The following DMD variants were observed in gnomAD, a reference collection of about 807,000 sequenced individuals.
DMD encodes the protein dystrophin, also known as mutant dystrophin.
In DMD, 63 loss-of-function variants were observed where a neutral mutation model predicts 330.1. The observed-to-expected ratio is 0.19, with a 90% CI of 0.16 to 0.24. The LOEUF (loss-of-function observed/expected upper bound fraction) is 0.24, where lower values mean the gene tolerates loss of function less well. DMD is among the 10% of genes least tolerant of loss of function. DMD has a pLI of 1.00. For missense variants in DMD, 3,344 were observed against 2,684.1 expected, an observed-to-expected ratio of 1.25 and a Z score of -5.43; for synonymous variants, 1,223 against 959.8, an observed-to-expected ratio of 1.27 and a Z score of -5.07.
intron 62 of DMD, among the ~76,000 whole-genome samples, chrX:31,263,071 C>T (rs1359820977): frequency 1.8e-5 from 2 of 112,622 alleles, no homozygotes; most frequent in African/African-American, 3.2e-5. Context: ...AGGGCTCACA[C>T]AGGCCCTTAC....
At chrX:32,925,113 A>G (rs1188520695) in intron 2 of DMD, among the ~76,000 whole-genome samples, 1 of 103,537 alleles carries the variant, frequency 9.7e-6, no homozygotes, top group Non-Finnish European at 2.0e-5. Context: ...GTATTTTTCC[A>G]AATGACTAAG....
At position 32,600,598 on chromosome X, in the gene DMD, GCACACACA is replaced by G. The variant is rs201249837; in HGVS notation, c.1483-4730_1483-4723del. ...GTCACACACACACAAACACGCACAC[GCACACACA>G]CACACACACACACACACAAAACACA... On this transcript the variant is annotated intron_variant, in intron 12 of 78. Coordinates refer to ENST00000357033, the MANE Select transcript of DMD (RefSeq NM_004006.3). Among the ~76,000 whole-genome samples, 757 of 95,281 alleles carry G rather than the reference GCACACACA, an allele frequency of 7.9e-3. 6 individuals carry two copies. Among genetic ancestry groups the G allele is most frequent in the African/African-American group, 0.028 (731 of 26,224 alleles). 82.7% of individuals were successfully genotyped at this position (95,281 alleles called of 115,157 possible).
intron 7 of DMD, among the ~76,000 whole-genome samples, chrX:32,749,907 A>G (rs753598567): frequency 8.9e-6 from 1 of 112,761 alleles, no homozygotes; most frequent in Non-Finnish European, 1.9e-5. Context: ...TAGGAATTGC[A>G]GCTGTTATAT....
chrX:31,124,933 A>G (rs1481441796), intron 78 of DMD, among the ~76,000 whole-genome samples: 1 of 111,734 alleles, frequency 8.9e-6, no homozygotes, highest in Non-Finnish European at 1.9e-5. Context: ...TCTTCTCTAT[A>G]ATTTAATCTC....
chrX:32,974,151 A>T (rs1362453469), intron 2 of DMD, among the ~76,000 whole-genome samples: 1 of 112,006 alleles, frequency 8.9e-6, no homozygotes, highest in African/African-American at 3.2e-5. Flanking sequence ...ATATGAATGG[A>T]CCTTAAAAAC....
Position 31,454,215 on chromosome X carries a change from T to C in DMD, c.8938-9588A>G, listed in dbSNP as rs758594854. Among the ~76,000 whole-genome samples the C allele has an allele frequency of 7.2e-5, 8 of 111,519 alleles. No homozygotes were observed. In the East Asian group the frequency reaches 2.3e-3, roughly 31 times the overall value. On this transcript the variant is annotated intron_variant, in intron 59 of 78. Transcript: ENST00000357033. ...GTGCAATGGTGCGATCTGGGCTCAC[T>C]GCAACCTCCGCCTCGTGGGTTCAAG...
At chrX:31,858,446 A>G (rs1028766034) in intron 48 of DMD, among the ~76,000 whole-genome samples, 7 of 110,965 alleles carry the variant, frequency 6.3e-5, no homozygotes, top group African/African-American at 2.3e-4. Context: ...TTTAGATAAT[A>G]TATTATTATC....
intron 7 of DMD, among the ~76,000 whole-genome samples, chrX:32,762,711 G>C (rs899519381): frequency 9.1e-6 from 1 of 110,427 alleles, no homozygotes; most frequent in African/African-American, 3.3e-5. Context: ...AAGGGAACCA[G>C]TGTGAAGTGA....
At chrX:32,573,426 A>T (rs771794047) in intron 15 of DMD, 104 bp downstream of exon 15, 1 of 665,510 alleles carries the variant, frequency 1.5e-6, no homozygotes, top group African/African-American at 2.2e-5. Context: ...TGATCCAAGC[A>T]AAAATAAACA....
Position 32,393,125 on chromosome X carries a change from T to C in DMD, c.4234-2944A>G, listed in dbSNP as rs772534447. On this transcript the variant is annotated intron_variant, in intron 30 of 78. Coordinates refer to ENST00000357033, the MANE Select transcript of DMD (RefSeq NM_004006.3). The stretch of plus-strand genomic sequence containing the variant: ...CCTTCTTGAGTCAAAACTTTATTAC[T>C]GCCCTTGGATTCTATGACACATTCC... Among the ~76,000 whole-genome samples the C allele has an allele frequency of 5.3e-5, 6 of 112,379 alleles. No homozygotes were observed. In the South Asian group the frequency reaches 2.2e-3, roughly 41 times the overall value.
intron 52 of DMD, among the ~76,000 whole-genome samples, chrX:31,705,974 T>C (rs943224670): frequency 9.0e-6 from 1 of 111,566 alleles, no homozygotes; most frequent in Non-Finnish European, 1.9e-5. Context: ...TATATTATTC[T>C]TACTTTCAAG....
intron 44 of DMD, among the ~76,000 whole-genome samples, chrX:32,145,976 G>A (rs1718045): frequency 0.028 from 3,169 of 111,602 alleles, 54 homozygotes; most frequent in Non-Finnish European, 0.046. Context: ...TGTAAAATGA[G>A]AAAAATAAAA....
At position 31,292,209 on chromosome X, in the gene DMD, T is replaced by C. The variant is rs1603305639; in HGVS notation, c.9225-31193A>G. Among the ~76,000 whole-genome samples, 5 of 110,432 alleles carry C rather than the reference T, an allele frequency of 4.5e-5. No homozygotes were observed. In the South Asian group the frequency reaches 1.9e-3, roughly 42 times the overall value. ...GAAGATATTTGCAACACATACAATT[T>C]ACAAAGGGCTACAAACTAGAATATG... On this transcript the variant is annotated intron_variant, in intron 62 of 78. Transcript: ENST00000357033.
At chrX:32,876,890 G>A (rs1314718710) in intron 2 of DMD, among the ~76,000 whole-genome samples, 1 of 111,866 alleles carries the variant, frequency 8.9e-6, no homozygotes, top group Non-Finnish European at 1.9e-5. Context: ...TTCATTGAAC[G>A]CAGGAATCTT....
chrX:31,784,753 G>C (rs933841791), intron 50 of DMD, among the ~76,000 whole-genome samples: 1 of 111,843 alleles, frequency 8.9e-6, no homozygotes, highest in Non-Finnish European at 1.9e-5. Context: ...ACTATGTACT[G>C]TGTTGCAAGA....
chrX:31,737,740 T>C (rs2086980819), intron 51 of DMD, among the ~76,000 whole-genome samples: 2 of 111,689 alleles, frequency 1.8e-5, no homozygotes, highest in African/African-American at 3.2e-5. Flanking sequence ...GCAACAACTA[T>C]TGAAACAAAT....
At chrX:32,828,913 T>G (rs1338256276) in intron 4 of DMD, among the ~76,000 whole-genome samples, 1 of 111,679 alleles carries the variant, frequency 9.0e-6, no homozygotes, top group East Asian at 2.8e-4. Context: ...CTATTACAAT[T>G]CCATGTGTGA....
intron 44 of DMD, among the ~76,000 whole-genome samples, chrX:32,042,026 C>CATAT (rs57983190): frequency 0.032 from 1,293 of 40,369 alleles, 44 homozygotes; most frequent in Middle Eastern, 0.054. Flanking sequence ...TCTCTCTGTT[C>CATAT]ATATATATAT....
At chrX:32,196,215 T>C (rs1007909309) in intron 44 of DMD, among the ~76,000 whole-genome samples, 31 of 112,528 alleles carry the variant, frequency 2.8e-4, no homozygotes, top group African/African-American at 9.7e-4. Context: ...TAATGCTGTC[T>C]TTCACTTCAG....
Sources: allele counts gnomAD v4.1 joint callset (sites outside exome capture counted in the v4.1 genomes callset), GRCh38; gene constraint gnomAD v4.1.1; transcripts MANE v1.5; gene names NCBI Gene and HGNC (gene_info 2026-07-23, HGNC 2026-07-21).